KCNK10: variants seen among roughly 807,000 people sequenced by gnomAD.
The protein encoded by KCNK10 is potassium two pore domain channel subfamily K member 10.
A neutral mutation model predicts 47.7 loss-of-function variants in KCNK10; 25 were observed. The observed-to-expected ratio is 0.52, with a 90% CI of 0.38 to 0.73. KCNK10 has a LOEUF of 0.73. Among genes scored for constraint, KCNK10 ranks in the 30% least tolerant of loss-of-function variants. The pLI is 0.00. For synonymous variants in KCNK10, 303 were observed against 285.6 expected, an observed-to-expected ratio of 1.06 and a Z score of -0.61; for missense variants, 563 against 714.5, an observed-to-expected ratio of 0.79 and a Z score of 2.42.
At chr14:88,267,977 C>T (rs995045501) in intron 1 of KCNK10, among the ~76,000 whole-genome samples, 1 of 152,096 alleles carries the variant, frequency 6.6e-6, no homozygotes, top group Non-Finnish European at 1.5e-5. Flanking sequence ...CTGCATGAGT[C>T]CAGGTAGGAC....
rs570104095 is a variant in KCNK10, at chr14:88,184,014, C to G, written c.*1521G>C. 2 of 152,326 alleles carry G rather than the reference C, an allele frequency of 1.3e-5. No individual in the cohort carries two copies. The highest frequency in any genetic ancestry group is 2.9e-5 in the Non-Finnish European group (2 of 68,038). The allele number at this position is 152,326 out of a possible 1,614,324, so 9.4% of individuals were successfully genotyped here. ...GTGTTGCCAGGTCCAAATGCTTTCACGTGTGGCCCAAAGAGCTAGCTGTGA... is the reference window on the plus strand; with the variant it reads ...GTGTTGCCAGGTCCAAATGCTTTCAGGTGTGGCCCAAAGAGCTAGCTGTGA... On this transcript the variant is annotated 3_prime_UTR_variant, in exon 7 of 7. Coordinates refer to ENST00000319231, the MANE Select transcript of KCNK10 (RefSeq NM_138317.3).
intron 2 of KCNK10, among the ~76,000 whole-genome samples, chr14:88,246,240 G>A (rs1886636322): frequency 6.8e-6 from 1 of 147,986 alleles, no homozygotes; most frequent in African/African-American, 2.5e-5. Flanking sequence ...TCCAGCCTGG[G>A]GGACAGAGCG....
chr14:88,273,505 TG>T (rs1248018584), intron 1 of KCNK10, among the ~76,000 whole-genome samples: 3 of 152,206 alleles, frequency 2.0e-5, no homozygotes, highest in Non-Finnish European at 4.4e-5. Flanking sequence ...ATGCCTTTAT[TG>T]TTCCGATAAA....
intron 1 of KCNK10, among the ~76,000 whole-genome samples, chr14:88,284,730 T>C (rs1398700781): frequency 6.6e-6 from 1 of 152,056 alleles, no homozygotes; most frequent in African/African-American, 2.4e-5. Flanking sequence ...AGATTAAGGG[T>C]GGGTCTTCCT....
At chr14:88,201,695 G>A (rs1419536882) in intron 4 of KCNK10, among the ~76,000 whole-genome samples, 1 of 152,106 alleles carries the variant, frequency 6.6e-6, no homozygotes, top group Non-Finnish European at 1.5e-5. Context: ...CTACACTGAA[G>A]CCTATTTTGA....
rs72698030 is a variant in KCNK10 at position 88,181,408 on chromosome 14, A to C, written c.*4127T>G. 1.0e-5 allele frequency: 1 copy of C among 95,632 alleles called. No individual in the cohort carries two copies. Among genetic ancestry groups the C allele is most frequent in the Non-Finnish European group, 2.2e-5 (1 of 44,818 alleles). The allele number at this position is 95,632 out of a possible 1,614,324, so 5.9% of individuals were successfully genotyped here. ...TCCTCAGGTGTGTGTGTGTGTGTGT[A>C]TGTGTGCGTGTGTGTGTGTGTGTGT... On this transcript the variant is annotated 3_prime_UTR_variant, in exon 7 of 7. Transcript: ENST00000319231.
intron 1 of KCNK10, among the ~76,000 whole-genome samples, chr14:88,274,986 C>T (rs1205583063): frequency 6.6e-6 from 1 of 152,122 alleles, no homozygotes; most frequent in Non-Finnish European, 1.5e-5. Context: ...CTCACCCCTA[C>T]CCCAAACCAT....
At position 88,183,142 on chromosome 14, in the gene KCNK10, C is replaced by A. The variant is rs61975808; in HGVS notation, c.*2393G>T. The A allele has an allele frequency of 0.21, 32,161 of 152,280 alleles. 4,361 individuals are homozygous for A. The highest frequency in any genetic ancestry group is 0.3 in the Non-Finnish European group (20,294 of 68,000). The allele number at this position is 152,280 out of a possible 1,614,324, so 9.4% of individuals were successfully genotyped here. On this transcript the variant is annotated 3_prime_UTR_variant, in exon 7 of 7. Transcript: ENST00000319231. ...TTTGGTCAGACTTTGAATACCAGCTCTACCACTTTCTTGCTGTGTGCCATT... is the reference window on the plus strand; with the variant it reads ...TTTGGTCAGACTTTGAATACCAGCTATACCACTTTCTTGCTGTGTGCCATT...
At chr14:88,274,203 C>G (rs1887474926) in intron 1 of KCNK10, among the ~76,000 whole-genome samples, 1 of 151,974 alleles carries the variant, frequency 6.6e-6, no homozygotes, top group Non-Finnish European at 1.5e-5. Flanking sequence ...CCAGCCCTCC[C>G]CTCTTCTTCC....
intron 1 of KCNK10, among the ~76,000 whole-genome samples, chr14:88,305,143 G>A (rs994370346): frequency 1.3e-5 from 2 of 151,736 alleles, no homozygotes; most frequent in Non-Finnish European, 2.9e-5. Flanking sequence ...AGGTTGCAGT[G>A]AGCCAAGATC....
chr14:88,182,275 G>A lies in KCNK10; in HGVS notation c.*3260C>T, dbSNP rs571424666. On this transcript the variant is annotated 3_prime_UTR_variant, in exon 7 of 7. Coordinates refer to ENST00000319231, the MANE Select transcript of KCNK10 (RefSeq NM_138317.3). The stretch of plus-strand genomic sequence containing the variant: ...ACAGCCCCCACTGAAGATGGTGGAC[G>A]TGTGCTCTTTCTTTGTGTGAAATCG... 9.8e-5 allele frequency: 15 copies of A among 152,412 alleles called. No individual in the cohort carries two copies. Among genetic ancestry groups the A allele is most frequent in the African/African-American group, 2.2e-4 (9 of 41,558 alleles). The allele number at this position is 152,412 out of a possible 1,614,324, so 9.4% of individuals were successfully genotyped here. A position where few individuals can be genotyped will look rare whatever the true frequency, so the allele number is the denominator to read the frequency against.
chr14:88,297,018 A>G (rs969350408), intron 1 of KCNK10, among the ~76,000 whole-genome samples: 2 of 152,240 alleles, frequency 1.3e-5, no homozygotes, highest in African/African-American at 4.8e-5. Context: ...TAATTCAAAA[A>G]TGCATCTAAG....
At chr14:88,259,439 T>C (rs10141946) in intron 2 of KCNK10, among the ~76,000 whole-genome samples, 2,328 of 152,258 alleles carry the variant, frequency 0.015, 57 homozygotes, top group African/African-American at 0.053. Context: ...AAATGCTTCC[T>C]GTTAGGCAGC....
At chr14:88,274,868 C>G (rs114948474) in intron 1 of KCNK10, among the ~76,000 whole-genome samples, 305 of 152,282 alleles carry the variant, frequency 2.0e-3, no homozygotes, top group African/African-American at 6.8e-3. Context: ...CACCCACCAC[C>G]GGGTCTGAAG....
intron 4 of KCNK10, among the ~76,000 whole-genome samples, chr14:88,215,512 T>G (rs1393329843): frequency 6.6e-6 from 1 of 152,202 alleles, no homozygotes; most frequent in African/African-American, 2.4e-5. Context: ...ACAGTTCAGA[T>G]GAGATTTGTG....
At chr14:88,246,217 C>T (rs1348483535) in intron 2 of KCNK10, among the ~76,000 whole-genome samples, 2 of 145,988 alleles carry the variant, frequency 1.4e-5, no homozygotes, top group African/African-American at 5.1e-5. Flanking sequence ...GAGCCCAGAT[C>T]GCGCCACTGC....
Position 88,322,983 on chromosome 14 carries a change from G to T in KCNK10, c.-185C>A. On this transcript the variant is annotated 5_prime_UTR_variant, in exon 1 of 7. Coordinates refer to ENST00000319231, the MANE Select transcript of KCNK10 (RefSeq NM_138317.3). This position sits in a 1 kb window ranked among gnomAD's most constrained non-coding sequence, Gnocchi z 4.8. ...AAAATATTAGCTTGGGGGAGAACTGGAGAGGGCTTGGGTGTTTGCACCGGC... is the reference window on the plus strand; with the variant it reads ...AAAATATTAGCTTGGGGGAGAACTGTAGAGGGCTTGGGTGTTTGCACCGGC... 7.0e-7 allele frequency: 1 copy of T among 1,436,266 alleles called. No homozygotes were observed. 89.0% of individuals were successfully genotyped at this position (1,436,266 alleles called of 1,614,324 possible). A position where few individuals can be genotyped will look rare whatever the true frequency, so the allele number is the denominator to read the frequency against.
intron 4 of KCNK10, among the ~76,000 whole-genome samples, chr14:88,212,272 C>T (rs1393637662): frequency 6.6e-6 from 1 of 151,816 alleles, no homozygotes; most frequent in Non-Finnish European, 1.5e-5. Context: ...GAAACCCCAT[C>T]ACTACTAAAA....
chr14:88,228,210 T>C (rs950814140), intron 3 of KCNK10, among the ~76,000 whole-genome samples: 2 of 152,178 alleles, frequency 1.3e-5, no homozygotes, highest in South Asian at 2.1e-4. Flanking sequence ...ACCTCTTGCA[T>C]TGAGGGTAAT....
Sources: gnomAD v4.1 joint callset for allele counts (sites outside exome capture counted in the v4.1 genomes callset) on GRCh38, gnomAD v4.1.1 for gene constraint, Gnocchi (gnomAD v3.1) non-coding constraint, MANE v1.5 for transcripts, NCBI Gene and HGNC (gene_info 2026-07-23, HGNC 2026-07-21) for gene names.